Variants in MAF observed in about 807,000 individuals in gnomAD.
The protein encoded by MAF is MAF bZIP transcription factor.
Under a neutral mutation model 22.0 loss-of-function variants are expected in MAF, and 10 were observed. That is an observed-to-expected ratio of 0.45 (90% confidence interval 0.28 to 0.77). MAF has a LOEUF of 0.77. Ranked by LOEUF, MAF falls within the 30% of genes least tolerant of loss-of-function variation. MAF has a pLI of 0.12. For missense variants in MAF, 544 were observed against 548.4 expected (o/e 0.99, Z 0.08); for synonymous variants, 337 against 255.8 (o/e 1.32, Z -3.03).
chr16:79,519,336 A>G, the MAF span, among the ~76,000 whole-genome samples: 121,481 of 152,194 alleles, frequency 0.8, 53,155 homozygotes, highest in East Asian at 0.99. Context: ...AAGGCATGCT[A>G]TGCAATTGCA....
chr16:79,491,640 C>G, the MAF span, among the ~76,000 whole-genome samples: 2 of 152,094 alleles, frequency 1.3e-5, no homozygotes, highest in African/African-American at 4.8e-5. Context: ...GAATGCCCAG[C>G]GACTAACATG....
the MAF span, among the ~76,000 whole-genome samples, chr16:79,345,832 T>C: frequency 6.3e-4 from 95 of 151,760 alleles, no homozygotes; most frequent in Middle Eastern, 3.4e-3. Context: ...CAGCTGCATA[T>C]TGCTGGAGAT....
chr16:79,494,732 C>T, the MAF span, among the ~76,000 whole-genome samples: 21 of 152,246 alleles, frequency 1.4e-4, no homozygotes, highest in African/African-American at 4.8e-4. Flanking sequence ...TCCCGGTAAC[C>T]GCCTGGAGTT....
the MAF span, among the ~76,000 whole-genome samples, chr16:79,236,636 T>A: frequency 6.6e-6 from 1 of 152,068 alleles, no homozygotes; most frequent in Non-Finnish European, 1.5e-5. Flanking sequence ...AATACTCTTG[T>A]TGAGGCCAGG....
chr16:79,555,043 G>C, the MAF span, among the ~76,000 whole-genome samples: 5 of 152,308 alleles, frequency 3.3e-5, no homozygotes, highest in East Asian at 5.8e-4. Context: ...AGATGGGATG[G>C]AAGGGAGCTG....
chr16:79,280,143 G>T, the MAF span, among the ~76,000 whole-genome samples: 1 of 152,178 alleles, frequency 6.6e-6, no homozygotes, highest in African/African-American at 2.4e-5. Flanking sequence ...CTTTAAGAAG[G>T]GAAAAAATTA....
At chr16:79,499,702 G>C in the MAF span, among the ~76,000 whole-genome samples, 1 of 152,144 alleles carries the variant, frequency 6.6e-6, no homozygotes, top group Non-Finnish European at 1.5e-5. Flanking sequence ...GACACCAAAT[G>C]GGCTGGCACC....
the MAF span, among the ~76,000 whole-genome samples, chr16:79,353,355 C>T: frequency 3.3e-5 from 5 of 152,090 alleles, no homozygotes; most frequent in East Asian, 3.9e-4. Flanking sequence ...TCTTGAACTG[C>T]GAAGCTCAAG....
chr16:79,530,834 C>T, the MAF span, among the ~76,000 whole-genome samples: 3 of 152,070 alleles, frequency 2.0e-5, no homozygotes, highest in Non-Finnish European at 4.4e-5. Context: ...AGTAAAACGG[C>T]AGGTCTATGG....
At chr16:79,452,711 G>C in the MAF span, among the ~76,000 whole-genome samples, 98 of 152,220 alleles carry the variant, frequency 6.4e-4, no homozygotes, top group African/African-American at 1.9e-3. Context: ...CCATGCAACT[G>C]AGTCCTCGTT....
the MAF span, among the ~76,000 whole-genome samples, chr16:79,470,364 C>G: frequency 6.6e-6 from 1 of 152,100 alleles, no homozygotes; most frequent in South Asian, 2.1e-4. Context: ...TGAGCCCCCC[C>G]AGGGGCTCAG....
the MAF span, among the ~76,000 whole-genome samples, chr16:79,232,449 G>A: frequency 3.9e-5 from 6 of 151,980 alleles, no homozygotes; most frequent in Admixed American, 6.6e-5. Context: ...TAGTTGACTC[G>A]ACAATTTCTC....
the MAF span, among the ~76,000 whole-genome samples, chr16:79,454,269 C>T: frequency 6.6e-6 from 1 of 152,094 alleles, no homozygotes; most frequent in Non-Finnish European, 1.5e-5. Flanking sequence ...GCCATTGTTC[C>T]CTAAGACAGA....
At chr16:79,232,277 G>A in the MAF span, among the ~76,000 whole-genome samples, 84 of 152,056 alleles carry the variant, frequency 5.5e-4, no homozygotes, top group Non-Finnish European at 8.8e-4. Flanking sequence ...TGGCTGGGTT[G>A]GTGAAATGTG....
At chr16:79,357,739 G>C in the MAF span, among the ~76,000 whole-genome samples, 2 of 151,796 alleles carry the variant, frequency 1.3e-5, no homozygotes, top group South Asian at 4.2e-4. Context: ...TCAGGGAATA[G>C]CATTTGGATG....
the MAF span, among the ~76,000 whole-genome samples, chr16:79,226,198 C>T: frequency 6.6e-6 from 1 of 152,054 alleles, no homozygotes; most frequent in African/African-American, 2.4e-5. Context: ...ACTATGCAGC[C>T]ATAAAAAAGG....
At chr16:79,412,980 T>C in the MAF span, among the ~76,000 whole-genome samples, 132,651 of 152,202 alleles carry the variant, frequency 0.87, 60,097 homozygotes, top group East Asian at 1. Context: ...CAGGAAGTCC[T>C]TACAGCTTCC....
chr16:79,570,132 A>G, the MAF span, among the ~76,000 whole-genome samples: 1 of 151,730 alleles, frequency 6.6e-6, no homozygotes, highest in African/African-American at 2.4e-5. Context: ...CATTAAATTG[A>G]CAGGTTGATG....
At chr16:79,322,705 T>C in the MAF span, among the ~76,000 whole-genome samples, 1 of 151,906 alleles carries the variant, frequency 6.6e-6, no homozygotes, top group Non-Finnish European at 1.5e-5. Flanking sequence ...GGGATTCATC[T>C]AGCCGGGGTC....
Sources: gnomAD v4.1 joint callset for allele counts (sites outside exome capture counted in the v4.1 genomes callset) on GRCh38, gnomAD v4.1.1 for gene constraint, MANE v1.5 for transcripts, NCBI Gene and HGNC (gene_info 2026-07-23, HGNC 2026-07-21) for gene names.